CNTNAP2: variants seen among roughly 807,000 people sequenced by gnomAD.
CNTNAP2 encodes the protein contactin-associated protein-like 2.
A neutral mutation model predicts 155.2 loss-of-function variants in CNTNAP2; 98 were observed. The ratio of observed to expected loss-of-function variants is 0.63; its 90% CI spans 0.54 to 0.75. The LOEUF (loss-of-function observed/expected upper bound fraction) is 0.75, where lower values mean the gene tolerates loss of function less well. Ranked by LOEUF, CNTNAP2 falls within the 30% of genes least tolerant of loss-of-function variation. CNTNAP2 has a pLI of 0.00. For synonymous variants in CNTNAP2, 651 were observed against 631.2 expected (o/e 1.03, Z -0.47); for missense variants, 1,727 against 1,688.1 (o/e 1.02, Z -0.40).
intron 1 of CNTNAP2, among the ~76,000 whole-genome samples, chr7:146,522,058 T>A (rs376713698): frequency 1.4e-5 from 2 of 140,894 alleles, no homozygotes; most frequent in South Asian, 2.1e-4. Flanking sequence ...ATACTCCCTG[T>A]TTTTTTCTAA....
At position 147,775,347 on chromosome 7, in the gene CNTNAP2, ATT is replaced by A. The variant is rs1491132509; in HGVS notation, c.2099-128216_2099-128215del. Among the ~76,000 whole-genome samples, 117 of 42,308 alleles carry A rather than the reference ATT, an allele frequency of 2.8e-3. 3 individuals are homozygous for A. The highest frequency in any genetic ancestry group is 5.4e-3 in the African/African-American group (25 of 4,624). 27.8% of individuals were successfully genotyped at this position (42,308 alleles called of 152,430 possible). On this transcript the variant is annotated intron_variant, in intron 13 of 23. Coordinates refer to ENST00000361727, the MANE Select transcript of CNTNAP2 (RefSeq NM_014141.6). Reference sequence around the variant, plus strand: ...TTTATATATATTTATAAATATATATATTTATATATATTTATAAATATATATAT... The same window carrying A: ...TTTATATATATTTATAAATATATATATATATATATTTATAAATATATATAT...
intron 15 of CNTNAP2, among the ~76,000 whole-genome samples, chr7:148,026,380 G>A (rs774556712): frequency 1.3e-4 from 20 of 152,154 alleles, no homozygotes; most frequent in Non-Finnish European, 2.5e-4. Context: ...GAGTCCAGGG[G>A]GTCAAGGCTG....
intron 1 of CNTNAP2, among the ~76,000 whole-genome samples, chr7:146,441,126 A>C (rs1227895206): frequency 6.6e-6 from 1 of 151,564 alleles, no homozygotes. Context: ...TACATTCAAT[A>C]ATGTTTTTGA....
At position 147,006,068 on chromosome 7, in the gene CNTNAP2, C is replaced by T. The variant is rs988886433; in HGVS notation, c.403-37839C>T. On this transcript the variant is annotated intron_variant, in intron 3 of 23. Coordinates refer to ENST00000361727, the MANE Select transcript of CNTNAP2 (RefSeq NM_014141.6). ...TGGAAAAAGACAGATTAACAAGAAA[C>T]TAAAACTAAATAGAAATTTATTAAC... Among the ~76,000 whole-genome samples the T allele has an allele frequency of 2.1e-4, 32 of 151,990 alleles. No individual in the cohort carries two copies. The East Asian group carries it at 3.9e-3, about 18-fold the overall frequency.
At chr7:147,735,570 A>T (rs1398777147) in intron 13 of CNTNAP2, among the ~76,000 whole-genome samples, 8 of 148,524 alleles carry the variant, frequency 5.4e-5, no homozygotes, top group Non-Finnish European at 1.1e-4. Context: ...CAATTCCTGG[A>T]TATCCTTGAT....
At chr7:146,722,788 G>A (rs187436793) in intron 1 of CNTNAP2, among the ~76,000 whole-genome samples, 166 of 152,126 alleles carry the variant, frequency 1.1e-3, no homozygotes, top group African/African-American at 3.4e-3. Flanking sequence ...AGGCCGAGGC[G>A]GATGGATTAC....
At chr7:148,062,024 AGAGAGT>A (rs1237737995) in intron 15 of CNTNAP2, among the ~76,000 whole-genome samples, 42 of 136,740 alleles carry the variant, frequency 3.1e-4, no homozygotes, top group Admixed American at 8.3e-4. Context: ...AGAGAGAGAG[AGAGAGT>A]GTGTGTGTGT....
At chr7:147,698,132 G>A (rs1448665193) in intron 13 of CNTNAP2, among the ~76,000 whole-genome samples, 1 of 152,094 alleles carries the variant, frequency 6.6e-6, no homozygotes, top group Non-Finnish European at 1.5e-5. Context: ...GTTGCCCTGT[G>A]GTTTGCTCTA....
chr7:146,252,039 C>T (rs1347767832), intron 1 of CNTNAP2, among the ~76,000 whole-genome samples: 1 of 152,110 alleles, frequency 6.6e-6, no homozygotes, highest in Non-Finnish European at 1.5e-5. Flanking sequence ...GCTTTTGATT[C>T]CAGGAGCCCA....
intron 11 of CNTNAP2, among the ~76,000 whole-genome samples, chr7:147,498,520 G>C (rs759054105): frequency 1.3e-5 from 2 of 152,168 alleles, no homozygotes; most frequent in Non-Finnish European, 2.9e-5. Context: ...ACGTATTTTA[G>C]AAGTAAAAAT....
At chr7:147,240,697 C>G (rs1246179889) in intron 8 of CNTNAP2, among the ~76,000 whole-genome samples, 2 of 152,200 alleles carry the variant, frequency 1.3e-5, no homozygotes, top group African/African-American at 4.8e-5. Context: ...CTGAGTAGGT[C>G]TCAGCCAATG....
chr7:147,911,064 C>T (rs1323646357), intron 14 of CNTNAP2, among the ~76,000 whole-genome samples: 1 of 152,274 alleles, frequency 6.6e-6, no homozygotes, highest in South Asian at 2.1e-4. Context: ...TCTCCAGAGC[C>T]GTTTTTATCT....
At chr7:147,968,391 A>G (rs1209526047) in intron 14 of CNTNAP2, among the ~76,000 whole-genome samples, 1 of 152,142 alleles carries the variant, frequency 6.6e-6, no homozygotes, top group Admixed American at 6.5e-5. Context: ...TCTCATTGTC[A>G]TGGTTGTTTT....
At chr7:146,371,390 A>G (rs1368576967) in intron 1 of CNTNAP2, among the ~76,000 whole-genome samples, 2 of 59,180 alleles carry the variant, frequency 3.4e-5, no homozygotes, top group African/African-American at 1.6e-4. Context: ...TTTTTTTGAG[A>G]TGGAGTCTCG....
At chr7:146,879,036 A>G (rs893248702) in intron 3 of CNTNAP2, among the ~76,000 whole-genome samples, 1 of 152,226 alleles carries the variant, frequency 6.6e-6, no homozygotes, top group Admixed American at 6.5e-5. Flanking sequence ...TTTCAAACCA[A>G]GAAACACTCC....
intron 1 of CNTNAP2, among the ~76,000 whole-genome samples, chr7:146,316,857 C>T (rs965996948): frequency 2.6e-5 from 4 of 151,982 alleles, no homozygotes; most frequent in Non-Finnish European, 5.9e-5. Flanking sequence ...CAGAGGGGCA[C>T]TGCTGCTCTT....
intron 3 of CNTNAP2, among the ~76,000 whole-genome samples, chr7:146,841,533 G>C (rs56368156): frequency 6.6e-6 from 1 of 152,042 alleles, no homozygotes; most frequent in Admixed American, 6.5e-5. Flanking sequence ...GATCAAATGA[G>C]CATGTTGGTA....
chr7:146,538,328 T>C (rs951507107), intron 1 of CNTNAP2, among the ~76,000 whole-genome samples: 4 of 152,120 alleles, frequency 2.6e-5, no homozygotes, highest in African/African-American at 9.7e-5. Flanking sequence ...TCAAGTTACA[T>C]AAAGCAGCTG....
intron 8 of CNTNAP2, among the ~76,000 whole-genome samples, chr7:147,155,071 G>A (rs189725746): frequency 2.1e-4 from 32 of 152,160 alleles, no homozygotes; most frequent in East Asian, 7.8e-4. Context: ...CACCACTCCC[G>A]CTCCCTGCCA....
Sources: gnomAD v4.1 joint callset for allele counts (sites outside exome capture counted in the v4.1 genomes callset) on GRCh38, gnomAD v4.1.1 for gene constraint, MANE v1.5 for transcripts, NCBI Gene and HGNC (gene_info 2026-07-23, HGNC 2026-07-21) for gene names.